MINDY4B: variants seen among roughly 807,000 people sequenced by gnomAD.
The protein encoded by MINDY4B is inactive ubiquitin carboxyl-terminal hydrolase MINDY-4B.
A neutral mutation model predicts 16.7 loss-of-function variants in MINDY4B; 25 were observed. The observed-to-expected ratio is 1.49, with a 90% CI of 1.09 to 2.09. MINDY4B has a LOEUF of 2.09. Among genes scored for constraint, MINDY4B ranks in the 30% most tolerant of loss-of-function variants. The probability of loss-of-function intolerance (pLI) is 0.00; values close to 1 mark genes in which losing one functional copy is unlikely to be tolerated. For missense variants in MINDY4B, 327 were observed against 168.4 expected (o/e 1.94, Z -5.21); for synonymous variants, 132 against 61.9 (o/e 2.13, Z -5.32).
At chr3:150,888,773 C>T (rs946918640) in intron 7 of MINDY4B, among the ~76,000 whole-genome samples, 7 of 152,174 alleles carry the variant, frequency 4.6e-5, no homozygotes, top group African/African-American at 1.4e-4. Context: ...CAGCTCAACC[C>T]TTAGTCTTTG....
intron 3 of MINDY4B, among the ~76,000 whole-genome samples, chr3:150,902,356 A>C (rs1448674716): frequency 6.6e-6 from 1 of 152,140 alleles, no homozygotes; most frequent in African/African-American, 2.4e-5. Context: ...TCTAGGATGT[A>C]ATGTGGAGGT....
intron 8 of MINDY4B, 34 bp downstream of exon 8, chr3:150,885,334 A>G: frequency 1.4e-6 from 1 of 701,144 alleles, no homozygotes. Context: ...CCAATCCTAT[A>G]GAAAATACCT....
intron 10 of MINDY4B, among the ~76,000 whole-genome samples, chr3:150,876,301 C>T (rs1413747720): frequency 1.3e-5 from 2 of 152,100 alleles, no homozygotes; most frequent in Admixed American, 6.5e-5. Context: ...GAATTGAGTC[C>T]ATGTAATTCT....
intron 7 of MINDY4B, among the ~76,000 whole-genome samples, chr3:150,886,831 A>G (rs1170569296): frequency 6.6e-6 from 1 of 152,118 alleles, no homozygotes; most frequent in Non-Finnish European, 1.5e-5. Flanking sequence ...ATAATCCAGG[A>G]TAATGTCCCC....
At position 150,870,540 on chromosome 3, in the gene MINDY4B, A is replaced by C. The variant is rs1428382113; in HGVS notation, c.*505T>G. Among the ~76,000 whole-genome samples, 1 of 152,222 alleles carries C rather than the reference A, an allele frequency of 6.6e-6. No homozygotes were observed. The highest frequency in any genetic ancestry group is 2.4e-5 in the African/African-American group (1 of 41,450). On this transcript the variant is annotated 3_prime_UTR_variant, in exon 12 of 12. Transcript: ENST00000465419. ...AAGAAGCCCATTTACTATTTTAATG[A>C]CAAGAACTTGCTAATGTGGGCATAT...
At position 150,882,685 on chromosome 3, in the gene MINDY4B, A is replaced by G. The variant is rs948000640; in HGVS notation, c.1059+212T>C. On this transcript the variant is annotated intron_variant, in intron 10 of 11. Transcript: ENST00000465419. ...TTTTATTACCTATTTTATATACATA[A>G]AAATATGTAAAATAAAATATGAAGC... Among the ~76,000 whole-genome samples, 3 of 152,148 alleles carry G rather than the reference A, an allele frequency of 2.0e-5. 1 individual carries two copies. Among genetic ancestry groups the G allele is most frequent in the Middle Eastern group, 6.3e-3 (2 of 316 alleles).
chr3:150,883,019 T>G lies in MINDY4B; in HGVS notation c.937A>C (p.Asn313His). The change falls in exon 10 of 12, where the codon AAT becomes CAT. Residue 313 changes from asparagine (N) to histidine (H), a missense_variant. Physicochemically the swap from Asn to His is moderately conservative, Grantham distance 68 (BLOSUM62 1). Transcript: ENST00000465419. ...NMILTGRASP[N>H]VFNGCEEGKS... Reference sequence around the variant, plus strand: ...CCTTCCTCACAGCCATTGAAGACATTGGGACTTGCTCTTCCAGTTAAAATC... The same window carrying G: ...CCTTCCTCACAGCCATTGAAGACATGGGGACTTGCTCTTCCAGTTAAAATC... 1.4e-6 allele frequency: 1 copy of G among 702,398 alleles called. No individual in the cohort carries two copies. The highest frequency in any genetic ancestry group is 2.6e-6 in the Non-Finnish European group (1 of 384,600). 43.5% of individuals were successfully genotyped at this position (702,398 alleles called of 1,614,324 possible).
chr3:150,877,329 A>G (rs1287641349), intron 10 of MINDY4B, among the ~76,000 whole-genome samples: 1 of 152,180 alleles, frequency 6.6e-6, no homozygotes, highest in Admixed American at 6.5e-5. Context: ...AGGAGCTACT[A>G]AATATCCACA....
chr3:150,898,231 A>G (rs1036170843), intron 3 of MINDY4B, among the ~76,000 whole-genome samples: 1 of 152,240 alleles, frequency 6.6e-6, no homozygotes, highest in African/African-American at 2.4e-5. Flanking sequence ...AAGTCCCAAC[A>G]CAGATGGAAA....
rs1712215856 is a variant in MINDY4B at position 150,905,396 on chromosome 3, A to G, written c.44T>C (p.Leu15Pro). 4 of 398,392 alleles carry G rather than the reference A, an allele frequency of 1.0e-5. No homozygotes were observed. In the South Asian group the frequency reaches 5.1e-4, roughly 51 times the overall value. The allele number at this position is 398,392 out of a possible 1,614,324, so 24.7% of individuals were successfully genotyped here. Residue 15 changes from leucine (L) to proline (P), a missense_variant, in exon 1 of 12, where the codon CTG becomes CCG. By Grantham distance (98) the Leu-to-Pro change is moderately conservative. Transcript: ENST00000465419. Reference sequence around the variant, plus strand: ...TTTCCTTGAGATCTCCTCTAAATCCAGCTGTTCGGAGCTTTGTTCCTGGCC... The same window carrying G: ...TTTCCTTGAGATCTCCTCTAAATCCGGCTGTTCGGAGCTTTGTTCCTGGCC... ...VLGQEQSSEQLDLEEISRKIS... is the reference protein window; with the variant it reads ...VLGQEQSSEQPDLEEISRKIS...
At chr3:150,888,232 C>G (rs1576612472) in intron 7 of MINDY4B, among the ~76,000 whole-genome samples, 1 of 152,280 alleles carries the variant, frequency 6.6e-6, no homozygotes, top group East Asian at 1.9e-4. Flanking sequence ...CTGGTCCCAG[C>G]TTCCATTATC....
At chr3:150,904,895 A>G (rs148909749) in intron 2 of MINDY4B, among the ~76,000 whole-genome samples, 167 bp downstream of exon 2, 1,909 of 152,348 alleles carry the variant, frequency 0.013, 32 homozygotes, top group African/African-American at 0.042. Context: ...ATAAAAAAGC[A>G]CAAGAAAAAA....
chr3:150,889,253 C>T (rs1260042617), intron 7 of MINDY4B, among the ~76,000 whole-genome samples: 1 of 152,192 alleles, frequency 6.6e-6, no homozygotes, highest in Non-Finnish European at 1.5e-5. Flanking sequence ...TCTAGCAACG[C>T]GAGAGAAGAA....
chr3:150,899,232 G>A (rs1395218178), intron 3 of MINDY4B, among the ~76,000 whole-genome samples: 1 of 152,198 alleles, frequency 6.6e-6, no homozygotes, highest in African/African-American at 2.4e-5. Context: ...CACATGTAAG[G>A]TCATGTATAT....
At chr3:150,876,940 G>C (rs755349884) in intron 10 of MINDY4B, among the ~76,000 whole-genome samples, 1 of 152,178 alleles carries the variant, frequency 6.6e-6, no homozygotes, top group Non-Finnish European at 1.5e-5. Context: ...AAGTGACAGG[G>C]AGGCTTCAAA....
chr3:150,897,845 T>TGC (rs1712017711), intron 3 of MINDY4B, among the ~76,000 whole-genome samples: 1 of 152,182 alleles, frequency 6.6e-6, no homozygotes, highest in Non-Finnish European at 1.5e-5. Flanking sequence ...AGACACAGAC[T>TGC]TGGTGTGTGC....
At chr3:150,883,167 T>G in intron 9 of MINDY4B, 109 bp from the exon 10 acceptor site, 1 of 582,186 alleles carries the variant, frequency 1.7e-6, no homozygotes, top group Non-Finnish European at 3.0e-6. Context: ...AAGAATGAAA[T>G]CACATGATAC....
chr3:150,889,657 C>T (rs1424118623), intron 7 of MINDY4B, among the ~76,000 whole-genome samples: 1 of 152,222 alleles, frequency 6.6e-6, no homozygotes, highest in Non-Finnish European at 1.5e-5. Flanking sequence ...CATTTCCCTG[C>T]TCCATGCAAT....
chr3:150,890,770 T>C (rs1010705164), intron 6 of MINDY4B, 168 bp downstream of exon 6: 2 of 549,964 alleles, frequency 3.6e-6, no homozygotes, highest in Non-Finnish European at 3.3e-6. Flanking sequence ...GACTCTTTGT[T>C]GTGTCTGCTT....
Sources: gnomAD v4.1 joint callset for allele counts (sites outside exome capture counted in the v4.1 genomes callset) on GRCh38, gnomAD v4.1.1 for gene constraint, MANE v1.5 for transcripts, NCBI Gene and HGNC (gene_info 2026-07-23, HGNC 2026-07-21) for gene names.